The following HNRNPC variants were observed in gnomAD, a reference collection of about 807,000 sequenced individuals.
The protein encoded by HNRNPC is heterogeneous nuclear ribonucleoprotein C.
In HNRNPC, 3 loss-of-function variants were observed where a neutral mutation model predicts 33.2. The observed-to-expected ratio is 0.09, with a 90% CI of 0.04 to 0.23. The LOEUF is 0.23. Ranked by LOEUF, HNRNPC falls within the 10% of genes least tolerant of loss-of-function variation. HNRNPC has a pLI of 1.00. For missense variants in HNRNPC, 143 were observed against 366.7 expected (o/e 0.39, Z 4.98); for synonymous variants, 121 against 126.7 (o/e 0.96, Z 0.30).
intron 5 of HNRNPC, among the ~76,000 whole-genome samples, chr14:21,224,330 C>G (rs1420353608): frequency 6.6e-6 from 1 of 152,124 alleles, no homozygotes; most frequent in Non-Finnish European, 1.5e-5. Flanking sequence ...TTCATTTCAA[C>G]TAATTTTCTC....
At chr14:21,212,143 T>A in intron 6 of HNRNPC, 1 of 475,134 alleles carries the variant, frequency 2.1e-6, no homozygotes, top group Non-Finnish European at 3.8e-6. Context: ...GGGCTGTCGC[T>A]ATGTTGACCA....
chr14:21,261,413 T>A (rs1878234261), intron 2 of HNRNPC, among the ~76,000 whole-genome samples: 1 of 152,188 alleles, frequency 6.6e-6, no homozygotes, highest in Non-Finnish European at 1.5e-5. Context: ...AACTTGCACT[T>A]ATTTAAAAAA....
At chr14:21,253,054 A>T (rs747430491) in intron 2 of HNRNPC, among the ~76,000 whole-genome samples, 6 of 151,216 alleles carry the variant, frequency 4.0e-5, no homozygotes, top group Non-Finnish European at 8.8e-5. Context: ...CGTAACTGTA[A>T]TCTCAGCTAC....
intron 2 of HNRNPC, among the ~76,000 whole-genome samples, chr14:21,240,059 T>TA: frequency 6.6e-6 from 1 of 152,288 alleles, no homozygotes; most frequent in South Asian, 2.1e-4. Context: ...CCAGGAATAC[T>TA]AAGTTATTTC....
chr14:21,259,851 G>A (rs1220872081), intron 2 of HNRNPC, among the ~76,000 whole-genome samples: 1 of 144,052 alleles, frequency 6.9e-6, no homozygotes, highest in East Asian at 2.0e-4. Context: ...TTTGAGACCA[G>A]CCTGGGAAAC....
At chr14:21,217,576 T>C (rs1047449634) in intron 5 of HNRNPC, among the ~76,000 whole-genome samples, 5 of 152,202 alleles carry the variant, frequency 3.3e-5, no homozygotes, top group Non-Finnish European at 7.3e-5. Context: ...AGATCACTGA[T>C]ATGGGTTGGG....
intron 2 of HNRNPC, among the ~76,000 whole-genome samples, chr14:21,256,103 G>T (rs545848431): frequency 3.3e-5 from 5 of 152,154 alleles, no homozygotes; most frequent in African/African-American, 9.6e-5. Flanking sequence ...AAAAATTTTT[G>T]ACTTCAATGC....
Position 21,259,885 on chromosome 14 carries a change from A to AAG in HNRNPC, c.-37+3425_-37+3426insCT, listed in dbSNP as rs972947293. ...ACAAAATGAGACCTGTCTCCACCAAAAAAAAAAAAAAACAATAAAAAATAG... is the reference window on the plus strand; with the variant it reads ...ACAAAATGAGACCTGTCTCCACCAAAAGAAAAAAAAAAAACAATAAAAAATAG... On this transcript the variant is annotated intron_variant, in intron 2 of 8. Transcript: ENST00000553300. Among the ~76,000 whole-genome samples the AAG allele has an allele frequency of 1.7e-4, 25 of 150,068 alleles. No homozygotes were observed. The East Asian group carries it at 4.3e-3, about 26-fold the overall frequency.
chr14:21,247,335 A>G (rs148962141), intron 2 of HNRNPC, among the ~76,000 whole-genome samples: 2,048 of 152,266 alleles, frequency 0.013, 153 homozygotes, highest in Admixed American at 0.12. Flanking sequence ...AACCCCTCTC[A>G]ATTATGTATC....
chr14:21,249,811 TTC>T (rs1304358223), intron 2 of HNRNPC, among the ~76,000 whole-genome samples: 1 of 152,098 alleles, frequency 6.6e-6, no homozygotes, highest in African/African-American at 2.4e-5. Flanking sequence ...GTAGAGCAAC[TTC>T]TGTTTGGAAA....
At chr14:21,241,559 T>A (rs953963248) in intron 2 of HNRNPC, among the ~76,000 whole-genome samples, 1 of 152,244 alleles carries the variant, frequency 6.6e-6, no homozygotes, top group African/African-American at 2.4e-5. Flanking sequence ...CTTCATTTGA[T>A]CTAAGTTGTT....
chr14:21,241,196 T>C (rs750226768), intron 2 of HNRNPC, among the ~76,000 whole-genome samples: 18 of 149,146 alleles, frequency 1.2e-4, no homozygotes, highest in Admixed American at 5.4e-4. Flanking sequence ...GAGGCGGAGG[T>C]TGTAGTAAGC....
chr14:21,248,572 T>C (rs947695156), intron 2 of HNRNPC, among the ~76,000 whole-genome samples: 7 of 152,206 alleles, frequency 4.6e-5, no homozygotes, highest in African/African-American at 7.2e-5. Context: ...TTTACTGTTA[T>C]TGGCACATAC....
chr14:21,233,060 T>C (rs1381008592), intron 3 of HNRNPC, among the ~76,000 whole-genome samples: 1 of 151,870 alleles, frequency 6.6e-6, no homozygotes, highest in Non-Finnish European at 1.5e-5. Context: ...GGACTGAATA[T>C]ATTGTCTATT....
At chr14:21,221,730 AAT>A (rs1892841305) in intron 5 of HNRNPC, among the ~76,000 whole-genome samples, 1 of 152,136 alleles carries the variant, frequency 6.6e-6, no homozygotes, top group African/African-American at 2.4e-5. Context: ...AATGGGTAAT[AAT>A]CTGAATACAT....
chr14:21,237,277 A>C (rs1256762213), intron 2 of HNRNPC, among the ~76,000 whole-genome samples: 1 of 152,238 alleles, frequency 6.6e-6, no homozygotes, highest in Non-Finnish European at 1.5e-5. Flanking sequence ...TCTAATGCCT[A>C]AATGTATAAC....
intron 5 of HNRNPC, among the ~76,000 whole-genome samples, chr14:21,214,894 T>G (rs1326427373): frequency 6.6e-6 from 1 of 152,212 alleles, no homozygotes; most frequent in African/African-American, 2.4e-5. Context: ...CCATGAGCAT[T>G]AAACTGAGCT....
chr14:21,213,303 C>G, intron 5 of HNRNPC, 186 bp from the exon 6 acceptor site: 1 of 586,112 alleles, frequency 1.7e-6, no homozygotes, highest in East Asian at 3.0e-5. Context: ...ATTTCTTTAC[C>G]TAGGCACATA....
At chr14:21,234,301 TCTCA>T (rs1446075130) in intron 2 of HNRNPC, 72 bp from the exon 3 acceptor site, 19 of 1,368,918 alleles carry the variant, frequency 1.4e-5, no homozygotes, top group Non-Finnish European at 1.8e-5. Context: ...CATTCTCCAC[TCTCA>T]CTCTGAATCA....
Sources: gnomAD v4.1 joint callset for allele counts (sites outside exome capture counted in the v4.1 genomes callset) on GRCh38, gnomAD v4.1.1 for gene constraint, MANE v1.5 for transcripts, NCBI Gene and HGNC (gene_info 2026-07-23, HGNC 2026-07-21) for gene names.